The following RGS6 variants were observed in gnomAD, a reference collection of about 807,000 sequenced individuals.
RGS6 encodes regulator of G protein signaling 6, also known as regulator of G-protein signaling 6.
RGS6 carries 30 observed loss-of-function variants against 78.5 expected under a neutral mutation model. The observed-to-expected ratio is 0.38, with a 90% CI of 0.29 to 0.52. The LOEUF is 0.52. Ranked by LOEUF, RGS6 falls within the 20% of genes least tolerant of loss-of-function variation. The pLI, the probability that RGS6 is intolerant of heterozygous loss-of-function variation, is 0.85. For synonymous variants in RGS6, 206 were observed against 206.0 expected, an observed-to-expected ratio of 1.00 and a Z score of 0.00; for missense variants, 495 against 609.7, an observed-to-expected ratio of 0.81 and a Z score of 1.98.
At chr14:72,198,730 A>G (rs1426087845) in intron 2 of RGS6, among the ~76,000 whole-genome samples, 1 of 152,238 alleles carries the variant, frequency 6.6e-6, no homozygotes, top group East Asian at 1.9e-4. Flanking sequence ...GTTGTAACCC[A>G]GGTTAGGACA....
chr14:72,580,315 A>ACCC, the RGS6 span, among the ~76,000 whole-genome samples: 7 of 133,678 alleles, frequency 5.2e-5, no homozygotes, highest in African/African-American at 1.9e-4. Flanking sequence ...TGTCCCCCCC[A>ACCC]CCCCGACCCC....
At chr14:72,133,602 C>T (rs967782148) in intron 2 of RGS6, among the ~76,000 whole-genome samples, 1 of 152,114 alleles carries the variant, frequency 6.6e-6, no homozygotes, top group African/African-American at 2.4e-5. Flanking sequence ...ATGCCTTATA[C>T]ATATGCCTTT....
At chr14:72,401,469 A>T (rs2092392947) in intron 3 of RGS6, among the ~76,000 whole-genome samples, 1 of 151,920 alleles carries the variant, frequency 6.6e-6, no homozygotes, top group African/African-American at 2.4e-5. Flanking sequence ...AGAAATACAG[A>T]GCCAAAAGTC....
intron 2 of RGS6, among the ~76,000 whole-genome samples, chr14:72,288,809 T>G (rs2063058125): frequency 6.6e-6 from 1 of 152,178 alleles, no homozygotes; most frequent in South Asian, 2.1e-4. Flanking sequence ...GGCATGATCT[T>G]GTCATGAATT....
chr14:72,212,479 G>A (rs1032849693), intron 2 of RGS6, among the ~76,000 whole-genome samples: 5 of 152,192 alleles, frequency 3.3e-5, no homozygotes, highest in Non-Finnish European at 7.3e-5. Flanking sequence ...CATGGGAGCT[G>A]TGATTAGATG....
intron 2 of RGS6, among the ~76,000 whole-genome samples, chr14:72,282,165 A>G (rs1202621256): frequency 1.3e-5 from 2 of 152,180 alleles, no homozygotes; most frequent in Admixed American, 6.5e-5. Flanking sequence ...TCCTGGCTAC[A>G]GTGTGAACCC....
At chr14:72,625,296 A>G in the RGS6 span, among the ~76,000 whole-genome samples, 4 of 152,122 alleles carry the variant, frequency 2.6e-5, no homozygotes, top group South Asian at 2.1e-4. Flanking sequence ...TTATATTAGT[A>G]TAGATATTTA....
chr14:71,893,614 A>G, the RGS6 span, among the ~76,000 whole-genome samples: 1 of 152,212 alleles, frequency 6.6e-6, no homozygotes, highest in Non-Finnish European at 1.5e-5. Context: ...GGGAAGGGAC[A>G]GATTGGGTTT....
chr14:72,278,342 G>C (rs899256018), intron 2 of RGS6, among the ~76,000 whole-genome samples: 1 of 152,194 alleles, frequency 6.6e-6, no homozygotes, highest in Non-Finnish European at 1.5e-5. Flanking sequence ...AGGGGTTTGG[G>C]GAGGCAGATG....
chr14:72,612,509 T>C, the RGS6 span: 1 of 518,830 alleles, frequency 1.9e-6, no homozygotes, highest in Non-Finnish European at 3.8e-6. Context: ...TTCTTTTTCC[T>C]ATACGCCACT....
chr14:72,306,113 C>T lies in RGS6; in HGVS notation c.85-45982C>T, dbSNP rs538852247. On this transcript the variant is annotated intron_variant, in intron 2 of 17. Coordinates refer to ENST00000553525, the MANE Select transcript of RGS6 (RefSeq NM_001204424.2). ...CTCATTTACCATTCCAAAAATCATA[C>T]AGCCTCTAAGAATGACGCTAAATCT... is the stretch of plus-strand genomic sequence containing the variant. Among the ~76,000 whole-genome samples the T allele has an allele frequency of 3.9e-5, 6 of 152,314 alleles. No homozygotes were observed. In the East Asian group the frequency reaches 9.6e-4, roughly 24 times the overall value.
intron 2 of RGS6, among the ~76,000 whole-genome samples, chr14:72,273,005 A>G (rs1186000363): frequency 6.6e-6 from 1 of 152,164 alleles, no homozygotes; most frequent in Admixed American, 6.5e-5. Flanking sequence ...AATCCCAGCT[A>G]CTTGGGAAGC....
At chr14:72,415,587 T>A (rs2093747869) in intron 3 of RGS6, among the ~76,000 whole-genome samples, 1 of 152,218 alleles carries the variant, frequency 6.6e-6, no homozygotes, top group Non-Finnish European at 1.5e-5. Context: ...ATGAACCCGG[T>A]ACCTCAGTTG....
chr14:71,911,515 A>T, the RGS6 span, among the ~76,000 whole-genome samples: 3 of 152,180 alleles, frequency 2.0e-5, no homozygotes, highest in African/African-American at 7.2e-5. Flanking sequence ...GGGTAGACTA[A>T]TTATCCTACC....
chr14:72,009,201 A>G (rs2085184495), intron 2 of RGS6, among the ~76,000 whole-genome samples: 1 of 152,198 alleles, frequency 6.6e-6, no homozygotes, highest in Admixed American at 6.5e-5. Flanking sequence ...AAAACAGAAA[A>G]TTAGCCACGC....
At chr14:71,934,558 C>G (rs916319191) in intron 1 of RGS6, among the ~76,000 whole-genome samples, 2 of 152,136 alleles carry the variant, frequency 1.3e-5, no homozygotes, top group Non-Finnish European at 2.9e-5. Context: ...TTCATCTTAT[C>G]AAGTGAAACA....
rs760227719 is a variant in RGS6, at chr14:72,510,363, A to G, written c.1091+84A>G. 159 of 1,506,946 alleles carry G rather than the reference A, an allele frequency of 1.1e-4. 2 individuals are homozygous for G. Among genetic ancestry groups the G allele is most frequent in the South Asian group, 4.8e-4 (42 of 86,836 alleles). The allele number at this position is 1,506,946 out of a possible 1,614,324, so 93.3% of individuals were successfully genotyped here. On this transcript the variant is annotated intron_variant, in intron 14 of 17. Coordinates refer to ENST00000553525, the MANE Select transcript of RGS6 (RefSeq NM_001204424.2). ...GGTCTCTCCATCTCTCTCTCTCTCA[A>G]TGAAACGTTATCAGGGTTCAAATTC...
chr14:72,201,347 G>C (rs898397144), intron 2 of RGS6, among the ~76,000 whole-genome samples: 2 of 152,122 alleles, frequency 1.3e-5, no homozygotes, highest in Non-Finnish European at 2.9e-5. Context: ...CTGCACAGTG[G>C]CAGGTAAAGT....
chr14:71,998,266 A>G (rs2082757270), intron 2 of RGS6, among the ~76,000 whole-genome samples: 1 of 152,218 alleles, frequency 6.6e-6, no homozygotes, highest in African/African-American at 2.4e-5. Flanking sequence ...ATATGCATCT[A>G]TCTGAGTGAG....
Sources: allele counts gnomAD v4.1 joint callset (sites outside exome capture counted in the v4.1 genomes callset), GRCh38; gene constraint gnomAD v4.1.1; transcripts MANE v1.5; gene names NCBI Gene and HGNC (gene_info 2026-07-23, HGNC 2026-07-21).